COL26A1: variants seen among roughly 807,000 people sequenced by gnomAD.
The protein encoded by COL26A1 is collagen type XXVI alpha 1 chain.
COL26A1 carries 41 observed loss-of-function variants against 59.3 expected under a neutral mutation model. The ratio of observed to expected loss-of-function variants is 0.69; its 90% CI spans 0.54 to 0.90. The LOEUF (loss-of-function observed/expected upper bound fraction) is 0.90, where lower values mean the gene tolerates loss of function less well. Ranked by LOEUF, COL26A1 falls within the 40% of genes least tolerant of loss-of-function variation. The pLI is 0.00. For synonymous variants in COL26A1, 266 were observed against 256.0 expected, an observed-to-expected ratio of 1.04 and a Z score of -0.37; for missense variants, 612 against 602.3, an observed-to-expected ratio of 1.02 and a Z score of -0.17.
chr7:101,418,910 T>G (rs1315533118), intron 1 of COL26A1, among the ~76,000 whole-genome samples: 1 of 152,024 alleles, frequency 6.6e-6, no homozygotes, highest in Non-Finnish European at 1.5e-5. Context: ...TCTGAAGGCA[T>G]TTATTCCCTA....
intron 3 of COL26A1, among the ~76,000 whole-genome samples, chr7:101,448,729 C>T (rs1200872305): frequency 3.9e-5 from 6 of 152,048 alleles, no homozygotes; most frequent in African/African-American, 9.7e-5. Flanking sequence ...TTGGATCAAG[C>T]GATCCTCCCA....
At chr7:101,429,602 T>TTTTTTTTTTTTTTTTTTG in intron 2 of COL26A1, among the ~76,000 whole-genome samples, 1 of 140,966 alleles carries the variant, frequency 7.1e-6, no homozygotes, top group African/African-American at 2.7e-5. Flanking sequence ...TTTTTTTTTT[T>TTTTTTTTTTTTTTTTTTG]TTTTTTTTGA....
chr7:101,425,346 C>A (rs903617692), intron 2 of COL26A1, among the ~76,000 whole-genome samples: 2 of 152,108 alleles, frequency 1.3e-5, no homozygotes, highest in African/African-American at 4.8e-5. Flanking sequence ...AATTGCTCAT[C>A]GTCTGCCCGC....
intron 1 of COL26A1, among the ~76,000 whole-genome samples, chr7:101,403,165 C>T (rs1156888406): frequency 6.6e-6 from 1 of 152,094 alleles, no homozygotes; most frequent in Non-Finnish European, 1.5e-5. Context: ...AATAATTCTC[C>T]ATTCAAGTCC....
intron 1 of COL26A1, among the ~76,000 whole-genome samples, chr7:101,366,479 T>A (rs1791050563): frequency 4.9e-5 from 1 of 20,264 alleles, no homozygotes; most frequent in Non-Finnish European, 8.3e-5. Flanking sequence ...GTCTGATTTT[T>A]TTTTTTTTTT....
intron 3 of COL26A1, among the ~76,000 whole-genome samples, chr7:101,524,724 A>G (rs1344637192): frequency 6.6e-6 from 1 of 151,940 alleles, no homozygotes; most frequent in Non-Finnish European, 1.5e-5. Context: ...TTCTTTTTCT[A>G]TTTGCTTGTC....
At chr7:101,532,062 T>G (rs1795380725) in intron 3 of COL26A1, among the ~76,000 whole-genome samples, 1 of 152,168 alleles carries the variant, frequency 6.6e-6, no homozygotes, top group Admixed American at 6.5e-5. Context: ...AGGCATCCCC[T>G]GACTTCTAGA....
At chr7:101,472,126 C>T (rs959929103) in intron 3 of COL26A1, among the ~76,000 whole-genome samples, 3 of 152,078 alleles carry the variant, frequency 2.0e-5, no homozygotes, top group African/African-American at 2.4e-5. Flanking sequence ...TGCCTCAGAC[C>T]GCCAAGTAGC....
intron 2 of COL26A1, among the ~76,000 whole-genome samples, chr7:101,436,582 C>A (rs1013020699): frequency 6.6e-6 from 1 of 152,054 alleles, no homozygotes; most frequent in Non-Finnish European, 1.5e-5. Flanking sequence ...GGTGCAATGT[C>A]CCCCCGCACC....
At chr7:101,512,823 C>T (rs1290008099) in intron 3 of COL26A1, among the ~76,000 whole-genome samples, 1 of 132,902 alleles carries the variant, frequency 7.5e-6, no homozygotes, top group South Asian at 2.3e-4. Flanking sequence ...TAATCCACCT[C>T]ATTCACAGAT....
intron 2 of COL26A1, among the ~76,000 whole-genome samples, chr7:101,444,385 CTTTCTTCCTTCCT>C (rs1793134384): frequency 6.7e-6 from 1 of 149,580 alleles, no homozygotes; most frequent in African/African-American, 2.4e-5. Context: ...CTGCTAATTT[CTTTCTTCCTTCCT>C]TTCCTTCCTT....
intron 3 of COL26A1, among the ~76,000 whole-genome samples, chr7:101,484,409 C>T (rs1263905686): frequency 2.0e-5 from 3 of 151,714 alleles, no homozygotes; most frequent in Admixed American, 2.0e-4. Flanking sequence ...CTCCCTGTGT[C>T]GCCCAGGCTG....
intron 3 of COL26A1, among the ~76,000 whole-genome samples, chr7:101,457,841 A>G (rs1396412486): frequency 6.7e-6 from 1 of 148,538 alleles, no homozygotes; most frequent in Non-Finnish European, 1.5e-5. Flanking sequence ...GTTGCTGGAT[A>G]TTATTCCATT....
intron 1 of COL26A1, among the ~76,000 whole-genome samples, chr7:101,406,843 G>A (rs1175245382): frequency 6.6e-6 from 1 of 152,122 alleles, no homozygotes; most frequent in Non-Finnish European, 1.5e-5. Context: ...CCAGCTACTT[G>A]AGAGGCTGAG....
chr7:101,544,051 G>T lies in COL26A1; in HGVS notation c.658G>T (p.Gly220Cys). Residue 220 changes from glycine (G) to cysteine (C), a missense_variant, in exon 6 of 13, where the codon GGT becomes TGT. Gly to Cys is a radical substitution (Grantham distance 159). Transcript: ENST00000313669. ...GCCTGCAGGCCCCCCCGGGTCTAAA[G>T]GTGACCGAGGCCAGACAGGAGAGAA... ...PGPAGPPGSK[G>C]DRGQTGEKGP... 6.2e-7 allele frequency: 1 copy of T among 1,604,854 alleles called. No individual in the cohort carries two copies. Among genetic ancestry groups the T allele is most frequent in the Non-Finnish European group, 8.5e-7 (1 of 1,176,302 alleles).
chr7:101,434,113 T>TTTTC (rs1167635928), intron 2 of COL26A1, among the ~76,000 whole-genome samples: 5 of 129,346 alleles, frequency 3.9e-5, no homozygotes, highest in Non-Finnish European at 6.4e-5. Context: ...CTTTCTTTCT[T>TTTTC]TTTCTTTCTT....
At chr7:101,377,351 G>C (rs1278881512) in intron 1 of COL26A1, among the ~76,000 whole-genome samples, 1 of 152,128 alleles carries the variant, frequency 6.6e-6, no homozygotes, top group Non-Finnish European at 1.5e-5. Flanking sequence ...TGTGAGAGCA[G>C]AAGGGACCTG....
At chr7:101,453,722 G>A (rs1793400099) in intron 3 of COL26A1, among the ~76,000 whole-genome samples, 1 of 152,178 alleles carries the variant, frequency 6.6e-6, no homozygotes, top group Non-Finnish European at 1.5e-5. Flanking sequence ...TTTGGGATCG[G>A]CTCCTGAAAA....
At chr7:101,417,975 T>C (rs1584390058) in intron 1 of COL26A1, among the ~76,000 whole-genome samples, 2 of 152,076 alleles carry the variant, frequency 1.3e-5, no homozygotes, top group Non-Finnish European at 1.5e-5. Flanking sequence ...TCCGCCCACT[T>C]TGACCTCCCA....
Sources: allele counts gnomAD v4.1 joint callset (sites outside exome capture counted in the v4.1 genomes callset), GRCh38; gene constraint gnomAD v4.1.1; transcripts MANE v1.5; gene names NCBI Gene and HGNC (gene_info 2026-07-23, HGNC 2026-07-21).